IRAG2: variants seen among roughly 807,000 people sequenced by gnomAD.
IRAG2 encodes inositol 1,4,5-triphosphate receptor associated 2.
In IRAG2, 45 loss-of-function variants were observed where a neutral mutation model predicts 69.9. That is an observed-to-expected ratio of 0.64 (90% confidence interval 0.51 to 0.83). The LOEUF (loss-of-function observed/expected upper bound fraction) is 0.83, where lower values mean the gene tolerates loss of function less well. Ranked by LOEUF, IRAG2 falls within the 40% of genes least tolerant of loss-of-function variation. The pLI is 0.00. For synonymous variants in IRAG2, 193 were observed against 202.4 expected (o/e 0.95, Z 0.40); for missense variants, 520 against 587.0 (o/e 0.89, Z 1.18).
intron 9 of IRAG2, among the ~76,000 whole-genome samples, chr12:25,029,481 A>G (rs544286228): frequency 1.2e-4 from 18 of 152,332 alleles, no homozygotes; most frequent in Admixed American, 1.1e-3. Flanking sequence ...GTATAAGATT[A>G]TGGTGATGAT....
intron 10 of IRAG2, among the ~76,000 whole-genome samples, chr12:25,084,908 T>C (rs944419645): frequency 1.3e-5 from 2 of 152,242 alleles, no homozygotes; most frequent in Non-Finnish European, 2.9e-5. Flanking sequence ...GAGAGTTCCC[T>C]GATTCCCCTT....
intron 1 of IRAG2, among the ~76,000 whole-genome samples, chr12:25,056,561 A>G (rs375904881): frequency 8.3e-4 from 126 of 152,318 alleles, no homozygotes; most frequent in African/African-American, 2.9e-3. Context: ...GGTTAAATGC[A>G]GTTGTTGTGA....
chr12:25,078,706 A>G (rs1818748915), intron 6 of IRAG2, among the ~76,000 whole-genome samples: 1 of 152,212 alleles, frequency 6.6e-6, no homozygotes, highest in Non-Finnish European at 1.5e-5. Context: ...GCAGGCTGGG[A>G]CTATAATTTT....
upstream of IRAG2, among the ~76,000 whole-genome samples, chr12:25,050,270 C>G (rs994981146): frequency 6.6e-5 from 10 of 151,932 alleles, no homozygotes; most frequent in African/African-American, 2.4e-4. Context: ...GTGGCTCATG[C>G]CTGTAATCCC....
At chr12:25,062,072 CTTTCTA>C (rs1945668461) in intron 2 of IRAG2, among the ~76,000 whole-genome samples, 1 of 152,144 alleles carries the variant, frequency 6.6e-6, no homozygotes, top group Non-Finnish European at 1.5e-5. Flanking sequence ...TTGAATTAAA[CTTTCTA>C]TTTCTTTCTG....
chr12:25,096,818 G>T, intron 14 of IRAG2, 92 bp from the exon 15 acceptor site: 3 of 896,188 alleles, frequency 3.3e-6, no homozygotes, highest in Non-Finnish European at 3.4e-6. Context: ...ATTGAGATTA[G>T]AATGTCATCC....
At chr12:25,058,385 T>C (rs1433626100) in intron 1 of IRAG2, among the ~76,000 whole-genome samples, 2 of 152,234 alleles carry the variant, frequency 1.3e-5, no homozygotes, top group African/African-American at 4.8e-5. Context: ...ATATCTTCTT[T>C]GTGAAGTGTC....
At chr12:25,082,244 A>G (rs892547347) in intron 9 of IRAG2, among the ~76,000 whole-genome samples, 10 of 152,142 alleles carry the variant, frequency 6.6e-5, no homozygotes, top group African/African-American at 2.4e-4. Flanking sequence ...ACTGTAAAAC[A>G]TTTTTACGCT....
chr12:25,021,272 C>T (rs545813519), intron 7 of IRAG2, among the ~76,000 whole-genome samples: 3 of 151,654 alleles, frequency 2.0e-5, no homozygotes, highest in Non-Finnish European at 4.4e-5. Context: ...GCTTGGCCTC[C>T]TTTTCAATCA....
At chr12:25,031,743 A>G (rs1364327949) in intron 10 of IRAG2, among the ~76,000 whole-genome samples, 1 of 151,734 alleles carries the variant, frequency 6.6e-6, no homozygotes, top group East Asian at 1.9e-4. Context: ...GCTCACCACA[A>G]CCTCCACCTC....
At position 25,088,146 on chromosome 12, in the gene IRAG2, A is replaced by G; in HGVS notation, c.362A>G (p.His121Arg). The G allele has an allele frequency of 1.2e-6, 2 of 1,613,134 alleles. No homozygotes were observed. Among genetic ancestry groups the G allele is most frequent in the Non-Finnish European group, 1.7e-6 (2 of 1,179,130 alleles). Residue 121 changes from histidine to arginine, a missense_variant, in exon 11 of 22, where the codon CAT becomes CGT. Transcript: ENST00000556887. ...ACAATAGAAGAACATAAAAAAGAAC[A>G]TGCTTCAGGAGGTAAGGAATGTTTC... ...PETIEEHKKE[H>R]ASGDSVVSPL... is the part of the protein sequence containing the mutation.
chr12:25,013,545 A>T (rs1428824947), intron 3 of IRAG2, among the ~76,000 whole-genome samples: 1 of 152,306 alleles, frequency 6.6e-6, no homozygotes, highest in East Asian at 1.9e-4. Context: ...AAGATAAGAA[A>T]GATAATTAAT....
intron 3 of IRAG2, among the ~76,000 whole-genome samples, 180 bp from the exon 4 acceptor site, chr12:25,063,540 A>G (rs1945774505): frequency 6.6e-6 from 1 of 152,212 alleles, no homozygotes; most frequent in Admixed American, 6.5e-5. Flanking sequence ...TCATATGTAT[A>G]CCTTTTGATC....
chr12:25,017,034 C>A, intron 5 of IRAG2: 4 of 901,310 alleles, frequency 4.4e-6, no homozygotes, highest in South Asian at 5.9e-5. Context: ...AAAAAAAACT[C>A]ACCAGAATAT....
chr12:25,068,358 C>T (rs1025012360), intron 5 of IRAG2, among the ~76,000 whole-genome samples: 2 of 152,164 alleles, frequency 1.3e-5, no homozygotes, highest in Non-Finnish European at 2.9e-5. Context: ...ACAGGAGGGT[C>T]TGTCTTTGTG....
At chr12:25,102,316 G>A (rs1948804723) in intron 17 of IRAG2, 75 bp downstream of exon 17, 3 of 1,131,392 alleles carry the variant, frequency 2.7e-6, no homozygotes, top group African/African-American at 1.6e-5. Context: ...GAAGTTTCAG[G>A]CCTTTATATG....
chr12:25,018,394 C>T lies in IRAG2; in HGVS notation c.1214+1102C>T, dbSNP rs141501341. Among the ~76,000 whole-genome samples, 438 of 151,808 alleles carry T rather than the reference C, an allele frequency of 2.9e-3. 4 individuals are homozygous for T. The highest frequency in any genetic ancestry group is 0.01 in the African/African-American group (428 of 41,404). On this transcript the variant is annotated intron_variant, in intron 6 of 38. Coordinates refer to the IRAG2 transcript ENST00000636465. ...ACTAATTTTTGTGTTTTTGTAGAGA[C>T]AAGGTCTTGCCATGTTGCCCAGGTT...
chr12:25,017,833 G>A (rs1262132577), intron 6 of IRAG2, among the ~76,000 whole-genome samples: 1 of 151,954 alleles, frequency 6.6e-6, no homozygotes, highest in Admixed American at 6.6e-5. Flanking sequence ...ATACTTACCA[G>A]CAGGCATGCT....
chr12:25,044,383 G>A (rs1024978947), intron 16 of IRAG2, among the ~76,000 whole-genome samples: 2 of 151,100 alleles, frequency 1.3e-5, no homozygotes, highest in Admixed American at 6.6e-5. Context: ...AAGACAGACA[G>A]AAAAATAATA....
Sources: allele counts gnomAD v4.1 joint callset (sites outside exome capture counted in the v4.1 genomes callset), GRCh38; gene constraint gnomAD v4.1.1; transcripts MANE v1.5; gene names NCBI Gene and HGNC (gene_info 2026-07-23, HGNC 2026-07-21).